Variants in PTPRT observed in about 807,000 individuals in gnomAD.
PTPRT encodes the protein receptor-type tyrosine-protein phosphatase T.
Under a neutral mutation model 176.8 loss-of-function variants are expected in PTPRT, and 56 were observed. The ratio of observed to expected loss-of-function variants is 0.32; its 90% CI spans 0.26 to 0.40. The LOEUF (loss-of-function observed/expected upper bound fraction) is 0.40, where lower values mean the gene tolerates loss of function less well. Ranked by LOEUF, PTPRT falls within the 10% of genes least tolerant of loss-of-function variation. The pLI is 1.00. For synonymous variants in PTPRT, 783 were observed against 739.0 expected, an observed-to-expected ratio of 1.06 and a Z score of -0.96; for missense variants, 1,540 against 1,908.2, an observed-to-expected ratio of 0.81 and a Z score of 3.60.
chr20:42,941,087 A>T (rs1324960840), intron 1 of PTPRT, among the ~76,000 whole-genome samples: 1 of 151,390 alleles, frequency 6.6e-6, no homozygotes, highest in South Asian at 2.1e-4. Context: ...ATCTCAAAAA[A>T]AAATAATAAT....
chr20:42,376,998 G>A (rs1458593892), intron 9 of PTPRT, among the ~76,000 whole-genome samples: 5 of 152,174 alleles, frequency 3.3e-5, no homozygotes, highest in South Asian at 2.1e-4. Context: ...AGTTTGGATC[G>A]TGTAAAGAGA....
At chr20:42,041,419 G>T in the PTPRT span, among the ~76,000 whole-genome samples, 1 of 152,160 alleles carries the variant, frequency 6.6e-6, no homozygotes, top group Non-Finnish European at 1.5e-5. Flanking sequence ...TATTTAAGTT[G>T]CAATTTTCTC....
chr20:42,548,351 A>G (rs1246137525), intron 7 of PTPRT, among the ~76,000 whole-genome samples: 1 of 152,128 alleles, frequency 6.6e-6, no homozygotes, highest in East Asian at 1.9e-4. Context: ...AGCTCTGAGA[A>G]AGGCCAATGA....
rs2073199407 is a variant in PTPRT, at chr20:42,573,677, A to G, written c.1154-101115T>C. ...CACACTTATCAGAGCAGGTTCTCCT[A>G]TGTGGGGGATGATACAACCCCGTTA... On this transcript the variant is annotated intron_variant, in intron 7 of 30. Coordinates refer to ENST00000373187, the MANE Select transcript of PTPRT (RefSeq NM_007050.6). Among the ~76,000 whole-genome samples the G allele has an allele frequency of 1.3e-5, 2 of 150,666 alleles. 1 individual carries two copies. The highest frequency in any genetic ancestry group is 4.9e-5 in the African/African-American group (2 of 41,070).
chr20:42,497,029 T>C (rs2071667025), intron 7 of PTPRT, among the ~76,000 whole-genome samples: 1 of 152,128 alleles, frequency 6.6e-6, no homozygotes, highest in Non-Finnish European at 1.5e-5. Flanking sequence ...AATTCAAAGG[T>C]AGTCCCTTAC....
At chr20:42,119,903 T>G in intron 20 of PTPRT, 32 bp downstream of exon 20, 1 of 1,591,854 alleles carries the variant, frequency 6.3e-7, no homozygotes, top group Non-Finnish European at 8.6e-7. Context: ...CTGAAGCCTC[T>G]CTGAGGCACT....
At chr20:42,824,780 T>C (rs1235293241) in intron 2 of PTPRT, among the ~76,000 whole-genome samples, 1 of 152,022 alleles carries the variant, frequency 6.6e-6, no homozygotes, top group Non-Finnish European at 1.5e-5. Flanking sequence ...TAAAGTTTTC[T>C]ATAATGGACA....
intron 1 of PTPRT, among the ~76,000 whole-genome samples, chr20:43,031,164 G>C (rs562138381): frequency 2.0e-5 from 3 of 152,282 alleles, no homozygotes; most frequent in East Asian, 3.9e-4. Context: ...CCAGGAAAGA[G>C]GTGTAATCTT....
intron 9 of PTPRT, among the ~76,000 whole-genome samples, chr20:42,441,373 G>A (rs1055478368): frequency 1.3e-5 from 2 of 152,194 alleles, no homozygotes; most frequent in African/African-American, 4.8e-5. Context: ...AGAGTGGCGA[G>A]GGCTGCCAGG....
intron 7 of PTPRT, among the ~76,000 whole-genome samples, chr20:42,585,674 C>A (rs1339638743): frequency 1.3e-5 from 2 of 152,020 alleles, no homozygotes; most frequent in Non-Finnish European, 2.9e-5. Context: ...TATAAAGAAA[C>A]TGAGGCAATG....
chr20:42,059,315 G>A, the PTPRT span, among the ~76,000 whole-genome samples: 1 of 152,298 alleles, frequency 6.6e-6, no homozygotes, highest in African/African-American at 2.4e-5. Flanking sequence ...AAGAGGGCCT[G>A]TGGCCTGACC....
At position 43,094,346 on chromosome 20, in the gene PTPRT, G is replaced by A. The variant is rs193239047; in HGVS notation, c.88+95300C>T. ...CGTGATCCACCCATCTCAGCCTCCC[G>A]AAGTGCTGGGATTACAGGCATGAGC... On this transcript the variant is annotated intron_variant, in intron 1 of 30. Coordinates refer to ENST00000373187, the MANE Select transcript of PTPRT (RefSeq NM_007050.6). Among the ~76,000 whole-genome samples, 1,081 of 146,536 alleles carry A rather than the reference G, an allele frequency of 7.4e-3. 14 individuals are homozygous for A. Among genetic ancestry groups the A allele is most frequent in the African/African-American group, 0.024 (952 of 39,724 alleles).
chr20:42,731,454 G>A lies in PTPRT; in HGVS notation c.859+25008C>T, dbSNP rs76470318. 8.3e-3 allele frequency among the ~76,000 whole-genome samples: 1,258 copies of A among 152,268 alleles called. 19 individuals are homozygous for A. The highest frequency in any genetic ancestry group is 0.029 in the African/African-American group (1,185 of 41,532). On this transcript the variant is annotated intron_variant, in intron 6 of 30. Coordinates refer to ENST00000373187, the MANE Select transcript of PTPRT (RefSeq NM_007050.6). ...CTTTCACAAACACAGGCAGGCCCCCGAGCCTGACATGCACTACCCATGTAC... is the reference window on the plus strand; with the variant it reads ...CTTTCACAAACACAGGCAGGCCCCCAAGCCTGACATGCACTACCCATGTAC...
At chr20:42,966,788 G>A (rs968692916) in intron 1 of PTPRT, among the ~76,000 whole-genome samples, 1 of 152,198 alleles carries the variant, frequency 6.6e-6, no homozygotes, top group African/African-American at 2.4e-5. Context: ...TGATCATCAG[G>A]CAGAGAAAAG....
intron 1 of PTPRT, among the ~76,000 whole-genome samples, chr20:43,175,543 G>A (rs2015105707): frequency 6.6e-6 from 1 of 151,446 alleles, no homozygotes; most frequent in Admixed American, 6.6e-5. Flanking sequence ...CAAGACTCCG[G>A]GCTCTGACTG....
intron 1 of PTPRT, among the ~76,000 whole-genome samples, chr20:43,187,908 T>G (rs567931050): frequency 2.6e-5 from 4 of 152,232 alleles, no homozygotes; most frequent in African/African-American, 9.6e-5. Flanking sequence ...TGCATTTTAA[T>G]AGTTGTGGGC....
intron 9 of PTPRT, among the ~76,000 whole-genome samples, chr20:42,433,742 C>T (rs1319203548): frequency 1.3e-5 from 2 of 152,170 alleles, no homozygotes; most frequent in African/African-American, 2.4e-5. Context: ...CCATTAGATC[C>T]ATGTCTACTG....
intron 16 of PTPRT, among the ~76,000 whole-genome samples, chr20:42,198,112 C>T (rs1341751437): frequency 6.6e-6 from 1 of 152,160 alleles, no homozygotes; most frequent in Non-Finnish European, 1.5e-5. Flanking sequence ...TTCTGTGCTA[C>T]ACTGGAGCTT....
chr20:43,170,578 A>G (rs573045918), intron 1 of PTPRT, among the ~76,000 whole-genome samples: 5 of 152,344 alleles, frequency 3.3e-5, no homozygotes, highest in African/African-American at 1.2e-4. Flanking sequence ...GCGTGAGTTA[A>G]CAATTCTCCA....
Sources: allele counts gnomAD v4.1 joint callset (sites outside exome capture counted in the v4.1 genomes callset), GRCh38; gene constraint gnomAD v4.1.1; transcripts MANE v1.5; gene names NCBI Gene and HGNC (gene_info 2026-07-23, HGNC 2026-07-21).